Variants in NPAS2 observed in about 807,000 individuals in gnomAD.
The protein encoded by NPAS2 is neuronal PAS domain-containing protein 2.
In NPAS2, 23 loss-of-function variants were observed where a neutral mutation model predicts 107.5. The ratio of observed to expected loss-of-function variants is 0.21; its 90% CI spans 0.15 to 0.30. The LOEUF (loss-of-function observed/expected upper bound fraction) is 0.30. Ranked by LOEUF, NPAS2 falls within the 10% of genes least tolerant of loss-of-function variation. The probability of loss-of-function intolerance (pLI) is 1.00; values close to 1 mark genes in which losing one functional copy is unlikely to be tolerated. For missense variants in NPAS2, 756 were observed against 1,043.3 expected (o/e 0.72, Z 3.79); for synonymous variants, 403 against 417.5 (o/e 0.97, Z 0.42).
chr2:100,926,433 C>T (rs1187156945), intron 3 of NPAS2, among the ~76,000 whole-genome samples: 3 of 152,194 alleles, frequency 2.0e-5, no homozygotes, highest in African/African-American at 7.2e-5. Context: ...TCCTTGGCAA[C>T]ACTTATTACT....
intron 7 of NPAS2, among the ~76,000 whole-genome samples, chr2:100,957,699 G>C (rs1396133076): frequency 6.6e-6 from 1 of 152,198 alleles, no homozygotes; most frequent in Non-Finnish European, 1.5e-5. Flanking sequence ...GGCCGAGGCG[G>C]GCGGATCACG....
chr2:100,941,263 G>GT (rs1674559690), intron 5 of NPAS2, among the ~76,000 whole-genome samples: 1 of 152,214 alleles, frequency 6.6e-6, no homozygotes, highest in Admixed American at 6.5e-5. Flanking sequence ...GAAAGTGAAA[G>GT]TGATTTTAAG....
At chr2:100,889,332 G>A (rs556327766) in intron 1 of NPAS2, among the ~76,000 whole-genome samples, 29 of 152,358 alleles carry the variant, frequency 1.9e-4, no homozygotes, top group Admixed American at 1.4e-3. Context: ...ACTAGGGAGA[G>A]CTGTAAGCTC....
At chr2:100,914,981 T>C (rs936364597) in intron 2 of NPAS2, among the ~76,000 whole-genome samples, 1 of 152,178 alleles carries the variant, frequency 6.6e-6, no homozygotes, top group Non-Finnish European at 1.5e-5. Context: ...CACCCAGAAG[T>C]GGGCCTCTGC....
intron 2 of NPAS2, among the ~76,000 whole-genome samples, chr2:100,905,927 G>T (rs1682120442): frequency 1.3e-5 from 2 of 152,104 alleles, no homozygotes; most frequent in African/African-American, 2.4e-5. Flanking sequence ...AGACCTGCCA[G>T]ACCTGAGTCT....
chr2:100,956,590 T>G (rs1558909179), intron 7 of NPAS2, among the ~76,000 whole-genome samples: 3 of 152,210 alleles, frequency 2.0e-5, no homozygotes, highest in Admixed American at 2.0e-4. Flanking sequence ...ACGCGCTCTC[T>G]TCTTGCTCCT....
At chr2:100,838,765 GA>G (rs1677218558) in intron 1 of NPAS2, among the ~76,000 whole-genome samples, 1 of 152,184 alleles carries the variant, frequency 6.6e-6, no homozygotes, top group Non-Finnish European at 1.5e-5. Flanking sequence ...AGGAGATAAT[GA>G]GGGTGAATTT....
intron 1 of NPAS2, among the ~76,000 whole-genome samples, chr2:100,844,970 G>C (rs1677680438): frequency 6.6e-6 from 1 of 152,170 alleles, no homozygotes; most frequent in African/African-American, 2.4e-5. Flanking sequence ...ACTAGTGAGG[G>C]TGTCGGCCAC....
intron 6 of NPAS2, 37 bp downstream of exon 6, chr2:100,948,392 A>T (rs988198881): frequency 2.1e-5 from 33 of 1,563,340 alleles, no homozygotes; most frequent in Non-Finnish European, 2.8e-5. Flanking sequence ...AGCTAGAAAG[A>T]TAAGAATTTT....
chr2:100,936,993 A>C (rs1308837196), intron 4 of NPAS2, among the ~76,000 whole-genome samples: 1 of 151,796 alleles, frequency 6.6e-6, no homozygotes, highest in Non-Finnish European at 1.5e-5. Context: ...AAAAAAAAAA[A>C]AAAAAAAACC....
chr2:100,960,835 C>T lies in NPAS2; in HGVS notation c.599-3223C>T, dbSNP rs142020686. Reference sequence around the variant, plus strand: ...CTTAAGCTAGGATTTGGAGATGAGCCGGGCCATCTCATGGGAGAGTCATCT... The same window carrying T: ...CTTAAGCTAGGATTTGGAGATGAGCTGGGCCATCTCATGGGAGAGTCATCT... On this transcript the variant is annotated intron_variant, in intron 7 of 20. Coordinates refer to ENST00000335681, the MANE Select transcript of NPAS2 (RefSeq NM_002518.4). 2.1e-3 allele frequency among the ~76,000 whole-genome samples: 314 copies of T among 152,172 alleles called. 1 individual carries two copies. The highest frequency in any genetic ancestry group is 6.7e-3 in the African/African-American group (280 of 41,504).
At chr2:100,831,606 T>G (rs1676740609) in intron 1 of NPAS2, among the ~76,000 whole-genome samples, 1 of 152,186 alleles carries the variant, frequency 6.6e-6, no homozygotes, top group Admixed American at 6.5e-5. Context: ...CTCCAAGGCC[T>G]TCTTAATGGT....
chr2:100,825,566 A>G (rs939850321), intron 1 of NPAS2, among the ~76,000 whole-genome samples: 1 of 152,128 alleles, frequency 6.6e-6, no homozygotes, highest in Non-Finnish European at 1.5e-5. Flanking sequence ...CAGAAACTGG[A>G]TTTTGTACAG....
At position 100,941,632 on chromosome 2, in the gene NPAS2, T is replaced by C. The variant is rs184350940; in HGVS notation, c.363+3790T>C. Among the ~76,000 whole-genome samples the C allele has an allele frequency of 7.7e-4, 117 of 152,080 alleles. 2 individuals carry two copies. Among genetic ancestry groups the C allele is most frequent in the African/African-American group, 2.6e-3 (109 of 41,494 alleles). ...CACCAGCACATTTTGGTGTCTAGAA[T>C]TGACACAGGCAAGGAACATGAGCAA... is the stretch of plus-strand genomic sequence containing the variant. On this transcript the variant is annotated intron_variant, in intron 5 of 20. Coordinates refer to ENST00000335681, the MANE Select transcript of NPAS2 (RefSeq NM_002518.4).
At chr2:100,993,791 G>C (rs148121060) in intron 20 of NPAS2, 1 of 380,480 alleles carries the variant, frequency 2.6e-6, no homozygotes, top group Non-Finnish European at 4.7e-6. Flanking sequence ...TAAAAAAGTA[G>C]TTTCTACTCA....
chr2:100,908,241 T>C (rs1453848298), intron 2 of NPAS2, among the ~76,000 whole-genome samples: 1 of 152,244 alleles, frequency 6.6e-6, no homozygotes, highest in East Asian at 1.9e-4. Context: ...AGAAATTAAA[T>C]GTAGCTGCGT....
chr2:100,882,913 A>G (rs554436342), intron 1 of NPAS2, among the ~76,000 whole-genome samples: 1 of 152,030 alleles, frequency 6.6e-6, no homozygotes, highest in South Asian at 2.1e-4. Context: ...GGAGGGGCCC[A>G]CTCCTTTTAC....
At chr2:100,949,540 G>A (rs1675101286) in intron 7 of NPAS2, 60 bp downstream of exon 7, 4 of 991,806 alleles carry the variant, frequency 4.0e-6, no homozygotes, top group Admixed American at 3.6e-5. Flanking sequence ...CGTGCACATG[G>A]GGGCATTAAG....
At chr2:100,967,748 G>C (rs112752235) in intron 10 of NPAS2, among the ~76,000 whole-genome samples, 29 of 152,284 alleles carry the variant, frequency 1.9e-4, no homozygotes, top group African/African-American at 7.0e-4. Flanking sequence ...ACTATGGGGG[G>C]GCTGCAAGCA....
Sources: gnomAD v4.1 joint callset for allele counts (sites outside exome capture counted in the v4.1 genomes callset) on GRCh38, gnomAD v4.1.1 for gene constraint, MANE v1.5 for transcripts, NCBI Gene and HGNC (gene_info 2026-07-23, HGNC 2026-07-21) for gene names.